Variants in OMA1 observed in about 807,000 individuals in gnomAD.
The protein encoded by OMA1 is OMA1 zinc metallopeptidase, also known as metalloendopeptidase OMA1, mitochondrial.
A neutral mutation model predicts 30.9 loss-of-function variants in OMA1; 38 were observed. The ratio of observed to expected loss-of-function variants is 1.23; its 90% confidence interval spans 0.95 to 1.61. The LOEUF (loss-of-function observed/expected upper bound fraction) is 1.61. Among genes scored for constraint, OMA1 ranks in the 40% most tolerant of loss-of-function variants. The probability of loss-of-function intolerance (pLI) is 0.00; values close to 1 mark genes in which losing one functional copy is unlikely to be tolerated. For synonymous variants in OMA1, 173 were observed against 121.9 expected (o/e 1.42, Z -2.76); for missense variants, 461 against 349.2 (o/e 1.32, Z -2.55).
At chr1:58,491,527 G>A (rs966661855) in intron 8 of OMA1, among the ~76,000 whole-genome samples, 28 of 152,200 alleles carry the variant, frequency 1.8e-4, no homozygotes, top group Admixed American at 6.5e-4. Context: ...CCCATCTCAC[G>A]TGCAGAGACA....
At chr1:58,510,856 A>G (rs1379214415) in intron 7 of OMA1, among the ~76,000 whole-genome samples, 1 of 152,136 alleles carries the variant, frequency 6.6e-6, no homozygotes, top group Non-Finnish European at 1.5e-5. Flanking sequence ...GGAAATTAAG[A>G]AACAATTCCA....
intron 7 of OMA1, among the ~76,000 whole-genome samples, chr1:58,511,660 A>G (rs188617197): frequency 6.6e-6 from 1 of 152,098 alleles, no homozygotes; most frequent in East Asian, 1.9e-4. Context: ...CACAAACCCC[A>G]CAATGAGGAA....
intron 7 of OMA1, among the ~76,000 whole-genome samples, chr1:58,510,617 T>C (rs992403094): frequency 6.6e-6 from 1 of 152,048 alleles, no homozygotes; most frequent in African/African-American, 2.4e-5. Context: ...CTGGGAGTCC[T>C]AGCCAGGGCA....
chr1:58,495,900 T>C (rs977473042), intron 8 of OMA1, among the ~76,000 whole-genome samples: 1 of 152,194 alleles, frequency 6.6e-6, no homozygotes, highest in Non-Finnish European at 1.5e-5. Context: ...TATGCCTTTT[T>C]ACCTAGGTAG....
At chr1:58,514,530 C>T (rs191439063) in intron 7 of OMA1, among the ~76,000 whole-genome samples, 54 of 152,268 alleles carry the variant, frequency 3.5e-4, no homozygotes, top group African/African-American at 1.1e-3. Context: ...AAGGTAAATC[C>T]TGACACTGAA....
chr1:58,520,526 C>T (rs922155490), intron 7 of OMA1, among the ~76,000 whole-genome samples: 3 of 152,140 alleles, frequency 2.0e-5, no homozygotes, highest in Non-Finnish European at 4.4e-5. Context: ...AATAGACTAA[C>T]TTTTCCCCAA....
At chr1:58,494,969 C>T (rs1308929712) in intron 8 of OMA1, among the ~76,000 whole-genome samples, 6 of 152,116 alleles carry the variant, frequency 3.9e-5, no homozygotes, top group South Asian at 2.1e-4. Flanking sequence ...CACATGCACA[C>T]GTATGTTTAT....
chr1:58,496,769 A>C (rs577996256), intron 8 of OMA1, among the ~76,000 whole-genome samples: 4 of 152,318 alleles, frequency 2.6e-5, no homozygotes, highest in African/African-American at 9.6e-5. Context: ...GAATAAGATA[A>C]AAGTGTCTGC....
At chr1:58,535,582 C>CTG (rs1646503407) in intron 3 of OMA1, among the ~76,000 whole-genome samples, 1 of 120,966 alleles carries the variant, frequency 8.3e-6, no homozygotes, top group Non-Finnish European at 1.6e-5. Flanking sequence ...GGTGACAGAG[C>CTG]AAGTCTCTGT....
intron 1 of OMA1, among the ~76,000 whole-genome samples, chr1:58,540,617 C>A (rs1646591197): frequency 1.3e-5 from 2 of 148,584 alleles, no homozygotes; most frequent in African/African-American, 5.0e-5. Flanking sequence ...CTAGATGAGA[C>A]TAACAGCAGA....
intron 5 of OMA1, 29 bp from the exon 6 acceptor site, chr1:58,530,758 C>G: frequency 1.2e-6 from 1 of 862,236 alleles, no homozygotes; most frequent in Non-Finnish European, 2.0e-6. Flanking sequence ...ATAAAAACTA[C>G]ATTTTATACA....
intron 8 of OMA1, among the ~76,000 whole-genome samples, chr1:58,499,483 T>TAGATAGATAGAC (rs1157032663): frequency 1.4e-5 from 2 of 147,292 alleles, no homozygotes; most frequent in African/African-American, 5.2e-5. Flanking sequence ...AGACTATAGA[T>TAGATAGATAGAC]AGATAGATAG....
At chr1:58,516,572 A>T (rs1299583642) in intron 7 of OMA1, among the ~76,000 whole-genome samples, 1 of 152,234 alleles carries the variant, frequency 6.6e-6, no homozygotes. Flanking sequence ...AAGAACTCCT[A>T]TAAAAACATA....
rs556473768 is a variant in OMA1, at chr1:58,543,729, T to C, written c.-17+2974A>G. ...AAAAGATTTAAAAGATAGCAATCTC[T>C]GGCAAAGGGATATACAAATTTAAAA... On this transcript the variant is annotated intron_variant, in intron 1 of 8. Coordinates refer to ENST00000371226, the MANE Select transcript of OMA1 (RefSeq NM_145243.5). Among the ~76,000 whole-genome samples the C allele has an allele frequency of 1.1e-4, 16 of 152,334 alleles. 1 individual carries two copies. The South Asian group carries it at 3.3e-3, about 32-fold the overall frequency.
intron 7 of OMA1, among the ~76,000 whole-genome samples, chr1:58,523,178 C>T (rs1314811464): frequency 6.6e-6 from 1 of 152,176 alleles, no homozygotes; most frequent in African/African-American, 2.4e-5. Context: ...TCTATTAGCT[C>T]TTGAATTTCT....
In OMA1 at chr1:58,530,311, G is replaced by C. The variant is rs570132921; in HGVS notation, c.1140+290C>G. On this transcript the variant is annotated intron_variant, in intron 6 of 8. Transcript: ENST00000371226. Reference sequence around the variant, plus strand: ...CTACGAAAGGAAGGGTCAGTGGCTGGGTTTTCTCTCTGTAAAACCAATAAA... The same window carrying C: ...CTACGAAAGGAAGGGTCAGTGGCTGCGTTTTCTCTCTGTAAAACCAATAAA... 1.3e-4 allele frequency among the ~76,000 whole-genome samples: 20 copies of C among 152,108 alleles called. No individual in the cohort carries two copies. In the South Asian group the frequency reaches 3.7e-3, roughly 28 times the overall value.
chr1:58,499,454 C>T (rs1645862606), intron 8 of OMA1, among the ~76,000 whole-genome samples: 4 of 130,690 alleles, frequency 3.1e-5, no homozygotes, highest in South Asian at 4.9e-4. Flanking sequence ...CACTGCACTC[C>T]AGCCTAGGGA....
intron 3 of OMA1, 126 bp from the exon 4 acceptor site, chr1:58,534,457 A>G: frequency 1.8e-6 from 1 of 548,356 alleles, no homozygotes; most frequent in Non-Finnish European, 3.2e-6. Context: ...AAATCTGCAT[A>G]TATTAAGCAC....
chr1:58,509,019 G>C (rs1249483308), intron 7 of OMA1, among the ~76,000 whole-genome samples: 1 of 152,098 alleles, frequency 6.6e-6, no homozygotes, highest in Non-Finnish European at 1.5e-5. Context: ...CAGCACTTTG[G>C]ACTAGCATGA....
Sources: allele counts gnomAD v4.1 joint callset (sites outside exome capture counted in the v4.1 genomes callset), GRCh38; gene constraint gnomAD v4.1.1; transcripts MANE v1.5; gene names NCBI Gene and HGNC (gene_info 2026-07-23, HGNC 2026-07-21).